TM9SF2: variants seen among roughly 807,000 people sequenced by gnomAD.
The protein encoded by TM9SF2 is 76 kDa membrane protein.
TM9SF2 carries 13 observed loss-of-function variants against 84.9 expected under a neutral mutation model. The observed-to-expected ratio is 0.15, with a 90% CI of 0.10 to 0.24. TM9SF2 has a LOEUF of 0.24. Ranked by LOEUF, TM9SF2 falls within the 10% of genes least tolerant of loss-of-function variation. TM9SF2 has a pLI of 1.00. For missense variants in TM9SF2, 562 were observed against 818.5 expected, an observed-to-expected ratio of 0.69 and a Z score of 3.82; for synonymous variants, 273 against 285.8, an observed-to-expected ratio of 0.96 and a Z score of 0.45.
chr13:99,533,888 C>T (rs1242407147), intron 4 of TM9SF2, among the ~76,000 whole-genome samples: 2 of 152,176 alleles, frequency 1.3e-5, no homozygotes, highest in Non-Finnish European at 2.9e-5. Flanking sequence ...CCAGGCTGCT[C>T]TCGAACTCCT....
chr13:99,537,102 T>C (rs1024212515), intron 5 of TM9SF2, among the ~76,000 whole-genome samples: 9 of 150,706 alleles, frequency 6.0e-5, no homozygotes, highest in African/African-American at 2.0e-4. Flanking sequence ...AGTCAGATAT[T>C]ATAACCTTTT....
In TM9SF2 at chr13:99,515,405, A is replaced by G. The variant is rs546169596; in HGVS notation, c.172-2209A>G. Among the ~76,000 whole-genome samples, 121 of 152,344 alleles carry G rather than the reference A, an allele frequency of 7.9e-4. 1 individual carries two copies. Among genetic ancestry groups the G allele is most frequent in the African/African-American group, 2.5e-3 (104 of 41,580 alleles). On this transcript the variant is annotated intron_variant, in intron 1 of 16. Coordinates refer to ENST00000376387, the MANE Select transcript of TM9SF2 (RefSeq NM_004800.3). ...TGTATGTATTTGTGTTAATTCAAGC[A>G]TGCTGTATTGCTACAATATCATGTC...
At chr13:99,550,382 T>C (rs1382156700) in intron 12 of TM9SF2, among the ~76,000 whole-genome samples, 1 of 152,260 alleles carries the variant, frequency 6.6e-6, no homozygotes, top group Non-Finnish European at 1.5e-5. Context: ...CTGAAACTTT[T>C]AAGTTTGCCA....
chr13:99,517,446 G>A (rs941809448), intron 1 of TM9SF2, among the ~76,000 whole-genome samples, 168 bp from the exon 2 acceptor site: 1 of 152,164 alleles, frequency 6.6e-6, no homozygotes, highest in African/African-American at 2.4e-5. Context: ...TATTTTAAAT[G>A]TATATAAATC....
intron 6 of TM9SF2, among the ~76,000 whole-genome samples, chr13:99,538,136 G>A (rs1360931850): frequency 6.6e-6 from 1 of 152,184 alleles, no homozygotes; most frequent in East Asian, 1.9e-4. Flanking sequence ...TCAGTGGGGA[G>A]GGAGAAGTTG....
intron 1 of TM9SF2, among the ~76,000 whole-genome samples, chr13:99,508,966 C>T (rs1194530894): frequency 6.6e-6 from 1 of 152,164 alleles, no homozygotes; most frequent in Non-Finnish European, 1.5e-5. Context: ...TACAATCATG[C>T]CTTCCTAATA....
intron 1 of TM9SF2, among the ~76,000 whole-genome samples, chr13:99,509,520 A>G (rs891445131): frequency 6.6e-6 from 1 of 152,200 alleles, no homozygotes; most frequent in Non-Finnish European, 1.5e-5. Context: ...TTAACACCAC[A>G]TGGAAGCCAC....
In TM9SF2 at chr13:99,520,577, T is replaced by C. The variant is rs144129775; in HGVS notation, c.333+448T>C. 1.5e-4 allele frequency among the ~76,000 whole-genome samples: 22 copies of C among 151,584 alleles called. No individual in the cohort carries two copies. The East Asian group carries it at 4.3e-3, about 29-fold the overall frequency. On this transcript the variant is annotated intron_variant, in intron 3 of 16. Transcript: ENST00000376387. ...GGGATTTTTGGAAGCTAATCTTTCT[T>C]TTTTTTTTCCAGACAGAGTCTTGCT...
At chr13:99,503,074 G>A (rs1364790219) in intron 1 of TM9SF2, among the ~76,000 whole-genome samples, 5 of 152,194 alleles carry the variant, frequency 3.3e-5, no homozygotes, top group African/African-American at 1.2e-4. Context: ...AGTGCAAGAA[G>A]CTTTCACTCC....
rs553103918 is a variant in TM9SF2, at chr13:99,550,178, T to C, written c.1328+956T>C. ...CACATGTTCTGCTTATGTGGTTCTTTTATTCCTCCAAATAGGCTCATGTCT... is the reference window on the plus strand; with the variant it reads ...CACATGTTCTGCTTATGTGGTTCTTCTATTCCTCCAAATAGGCTCATGTCT... On this transcript the variant is annotated intron_variant, in intron 12 of 16. Transcript: ENST00000376387. 4.6e-5 allele frequency among the ~76,000 whole-genome samples: 7 copies of C among 152,330 alleles called. No homozygotes were observed. In the South Asian group the frequency reaches 1.4e-3, roughly 32 times the overall value.
intron 3 of TM9SF2, among the ~76,000 whole-genome samples, chr13:99,527,606 C>T (rs145462506): frequency 1.6e-3 from 249 of 152,318 alleles, no homozygotes; most frequent in Non-Finnish European, 3.0e-3. Context: ...GGTGGGGACA[C>T]TGAGCCAAAC....
intron 1 of TM9SF2, among the ~76,000 whole-genome samples, chr13:99,516,302 G>A (rs1236908543): frequency 6.6e-6 from 1 of 152,210 alleles, no homozygotes; most frequent in African/African-American, 2.4e-5. Flanking sequence ...AGCAAGTGTA[G>A]AGGACTGTTG....
At chr13:99,531,182 A>G (rs2046207396) in intron 4 of TM9SF2, among the ~76,000 whole-genome samples, 1 of 152,136 alleles carries the variant, frequency 6.6e-6, no homozygotes, top group Non-Finnish European at 1.5e-5. Flanking sequence ...ATTTTTAAAG[A>G]CTTTCAAAAT....
At chr13:99,549,298 T>G (rs1259074447) in intron 12 of TM9SF2, 76 bp downstream of exon 12, 30 of 1,131,314 alleles carry the variant, frequency 2.7e-5, no homozygotes, top group Non-Finnish European at 3.6e-5. Flanking sequence ...GTTGAGTCTT[T>G]AATCCTCCGT....
At position 99,536,597 on chromosome 13, in the gene TM9SF2, T is replaced by C; in HGVS notation, c.462-11T>C. On this transcript the variant is annotated splice_polypyrimidine_tract_variant and intron_variant, in intron 4 of 16. Coordinates refer to ENST00000376387, the MANE Select transcript of TM9SF2 (RefSeq NM_004800.3). ...GTTCTTTTCTAACTTAACTCCTCTT[T>C]CCATGTGTAGGATTGTGGATAATAT... The C allele has an allele frequency of 1.2e-6, 2 of 1,609,796 alleles. No homozygotes were observed. The highest frequency in any genetic ancestry group is 2.2e-5 in the East Asian group (1 of 44,780).
chr13:99,541,937 G>T (rs564473497), intron 9 of TM9SF2, among the ~76,000 whole-genome samples: 18 of 152,206 alleles, frequency 1.2e-4, no homozygotes, highest in African/African-American at 4.3e-4. Flanking sequence ...ATCACCTGAG[G>T]TCAGGAGTTC....
intron 15 of TM9SF2, among the ~76,000 whole-genome samples, chr13:99,558,856 GTTAAGCTA>G (rs1293464600): frequency 6.6e-6 from 1 of 152,150 alleles, no homozygotes; most frequent in Non-Finnish European, 1.5e-5. Context: ...AAGATCTTCT[GTTAAGCTA>G]TAAGCCACTT....
intron 1 of TM9SF2, among the ~76,000 whole-genome samples, chr13:99,506,206 C>T (rs1032076587): frequency 6.6e-6 from 1 of 152,068 alleles, no homozygotes; most frequent in African/African-American, 2.4e-5. Context: ...GAATGTTGAT[C>T]TGAACGGACA....
intron 7 of TM9SF2, among the ~76,000 whole-genome samples, chr13:99,540,089 A>G (rs1292469416): frequency 5.3e-5 from 8 of 152,178 alleles, no homozygotes; most frequent in Non-Finnish European, 1.0e-4. Flanking sequence ...AGAGTTTCCG[A>G]TTGGGAGATT....
Sources: allele counts gnomAD v4.1 joint callset (sites outside exome capture counted in the v4.1 genomes callset), GRCh38; gene constraint gnomAD v4.1.1; transcripts MANE v1.5; gene names NCBI Gene and HGNC (gene_info 2026-07-23, HGNC 2026-07-21).